The following GDAP1 variants were observed in gnomAD, a reference collection of about 807,000 sequenced individuals.
GDAP1 encodes the protein ganglioside-induced differentiation-associated protein 1.
In GDAP1, 34 loss-of-function variants were observed where a neutral mutation model predicts 40.1. The observed-to-expected ratio is 0.85, with a 90% CI of 0.64 to 1.13. The LOEUF is 1.13. Among genes scored for constraint, GDAP1 ranks in the 50% most tolerant of loss-of-function variants. GDAP1 has a pLI of 0.00. For synonymous variants in GDAP1, 170 were observed against 157.4 expected (o/e 1.08, Z -0.60); for missense variants, 374 against 433.7 (o/e 0.86, Z 1.22).
In GDAP1 at chr8:74,448,243, T is replaced by A. The variant is rs979764326; in HGVS notation, c.166-40435T>A. 1.3e-4 allele frequency among the ~76,000 whole-genome samples: 7 copies of A among 54,496 alleles called. No individual in the cohort carries two copies. In the East Asian group the frequency reaches 3.7e-3, roughly 29 times the overall value. 35.8% of individuals were successfully genotyped at this position (54,496 alleles called of 152,430 possible). The stretch of plus-strand genomic sequence containing the variant: ...ATGTTTATGAATTTCACTAAACAGA[T>A]ATATAGTATGTCTTTTTATGTCTTT... On this transcript the variant is annotated intron_variant, in intron 2 of 2. Transcript: ENST00000523640.
intron 2 of GDAP1, 28 bp downstream of exon 2, chr8:74,351,494 T>C: frequency 1.3e-6 from 2 of 1,490,850 alleles, no homozygotes; most frequent in Non-Finnish European, 1.9e-6. Context: ...TGCGATTTCT[T>C]GGATTTACTT....
At chr8:74,355,851 G>T (rs957570397) in intron 2 of GDAP1, among the ~76,000 whole-genome samples, 1 of 151,922 alleles carries the variant, frequency 6.6e-6, no homozygotes, top group Non-Finnish European at 1.5e-5. Flanking sequence ...TTAGGAAATA[G>T]AATTTAGTTT....
At chr8:74,435,876 A>G (rs1380791373) in intron 2 of GDAP1, among the ~76,000 whole-genome samples, 3 of 152,220 alleles carry the variant, frequency 2.0e-5, no homozygotes, top group Admixed American at 2.0e-4. Flanking sequence ...CTAGTGGGTT[A>G]TGAGACCAAT....
At chr8:74,385,570 A>G (rs200364412) in intron 2 of GDAP1, among the ~76,000 whole-genome samples, 2 of 152,010 alleles carry the variant, frequency 1.3e-5, no homozygotes, top group Non-Finnish European at 2.9e-5. Context: ...TCTTTATCCA[A>G]TCTATCATTG....
At chr8:74,426,003 G>A (rs1216989265) in intron 2 of GDAP1, among the ~76,000 whole-genome samples, 8 of 152,054 alleles carry the variant, frequency 5.3e-5, no homozygotes. Flanking sequence ...TCTAAAATTT[G>A]ATATGTTAAT....
intron 2 of GDAP1, among the ~76,000 whole-genome samples, chr8:74,401,911 G>A (rs1255176129): frequency 6.7e-6 from 1 of 150,046 alleles, no homozygotes; most frequent in Non-Finnish European, 1.5e-5. Flanking sequence ...TCGTTCCTCT[G>A]TAAGTTTTGT....
chr8:74,389,785 A>T (rs1283479421), intron 2 of GDAP1, among the ~76,000 whole-genome samples: 2 of 152,058 alleles, frequency 1.3e-5, no homozygotes, highest in East Asian at 3.9e-4. Flanking sequence ...AACTTGGTTC[A>T]ATTCTCCCCG....
rs568396287 is a variant in GDAP1, at chr8:74,428,463, T to C, written c.166-60215T>C. On this transcript the variant is annotated intron_variant, in intron 2 of 2. Transcript: ENST00000523640. ...TGTCATCTCAGAAGTTTTTCTTGAT[T>C]GTTTTGTTTTTTTTTTTTTCTTTTG... Among the ~76,000 whole-genome samples, 3 of 151,000 alleles carry C rather than the reference T, an allele frequency of 2.0e-5. No individual in the cohort carries two copies. In the East Asian group the frequency reaches 5.8e-4, roughly 29 times the overall value.
chr8:74,419,638 C>A lies in GDAP1; in HGVS notation c.165+68317C>A, dbSNP rs114712267. Among the ~76,000 whole-genome samples the A allele has an allele frequency of 5.5e-3, 840 of 152,152 alleles. 9 individuals carry two copies. Among genetic ancestry groups the A allele is most frequent in the African/African-American group, 0.019 (780 of 41,518 alleles). On this transcript the variant is annotated intron_variant, in intron 2 of 2. Coordinates refer to the GDAP1 transcript ENST00000523640. ...GTAGGTTGCCTTTTCTTGATAATGTCTTTTAATAGAAAACATTTTTAAATT... is the reference window on the plus strand; with the variant it reads ...GTAGGTTGCCTTTTCTTGATAATGTATTTTAATAGAAAACATTTTTAAATT...
intron 2 of GDAP1, among the ~76,000 whole-genome samples, chr8:74,447,254 A>AT (rs919495913): frequency 6.6e-6 from 1 of 151,980 alleles, no homozygotes; most frequent in Admixed American, 6.6e-5. Flanking sequence ...TCAATCAATA[A>AT]TTTTTTTCCA....
chr8:74,386,370 G>T (rs1371886502), intron 2 of GDAP1, among the ~76,000 whole-genome samples: 1 of 152,170 alleles, frequency 6.6e-6, no homozygotes, highest in African/African-American at 2.4e-5. Flanking sequence ...TTTGTATAAG[G>T]TGTAAGGATG....
intron 2 of GDAP1, among the ~76,000 whole-genome samples, chr8:74,376,364 T>TC (rs1213798915): frequency 2.0e-5 from 3 of 151,024 alleles, no homozygotes; most frequent in Non-Finnish European, 4.4e-5. Context: ...TTTTTTTTTT[T>TC]TTGAGATGGA....
At chr8:74,477,474 T>TA (rs398008352) in intron 2 of GDAP1, among the ~76,000 whole-genome samples, 4 of 152,024 alleles carry the variant, frequency 2.6e-5, no homozygotes, top group African/African-American at 9.7e-5. Context: ...TTTTTTTTTT[T>TA]AATTCTATTT....
rs557363288 is a variant in GDAP1, at chr8:74,487,219, GC to G, written c.166-1458del. ...AAATAGGTCAGTTGTCTTAGAATTA[GC>G]AGTTTGATACATTGCAGTGGAAATG... On this transcript the variant is annotated intron_variant, in intron 2 of 2. Transcript: ENST00000523640. Among the ~76,000 whole-genome samples the G allele has an allele frequency of 9.2e-5, 14 of 152,212 alleles. No homozygotes were observed. In the East Asian group the frequency reaches 2.7e-3, roughly 29 times the overall value.
At chr8:74,435,427 A>C (rs989522557) in intron 2 of GDAP1, among the ~76,000 whole-genome samples, 1 of 152,242 alleles carries the variant, frequency 6.6e-6, no homozygotes, top group African/African-American at 2.4e-5. Context: ...ATAATGAAGC[A>C]GTTGAAATCA....
intron 5 of GDAP1, 73 bp from the exon 6 acceptor site, chr8:74,363,912 G>C: frequency 1.5e-6 from 2 of 1,307,716 alleles, no homozygotes; most frequent in Non-Finnish European, 2.2e-6. Context: ...TTAAGGGTGA[G>C]ACCACTGATA....
In GDAP1 at chr8:74,404,761, T is replaced by C. The variant is rs899064698; in HGVS notation, c.165+53440T>C. 2.0e-5 allele frequency among the ~76,000 whole-genome samples: 3 copies of C among 149,926 alleles called. 1 individual carries two copies. Among genetic ancestry groups the C allele is most frequent in the African/African-American group, 7.6e-5 (3 of 39,272 alleles). On this transcript the variant is annotated intron_variant, in intron 2 of 2. Coordinates refer to the GDAP1 transcript ENST00000523640. Reference sequence around the variant, plus strand: ...AGTGTTATCTCTCCTTCCCATCTGCTTCTCTCACCATTTGAGGATATTCTT... The same window carrying C: ...AGTGTTATCTCTCCTTCCCATCTGCCTCTCTCACCATTTGAGGATATTCTT...
At chr8:74,407,944 C>G (rs994503288) in intron 2 of GDAP1, among the ~76,000 whole-genome samples, 1 of 149,690 alleles carries the variant, frequency 6.7e-6, no homozygotes, top group Non-Finnish European at 1.5e-5. Flanking sequence ...AGGAAAAACT[C>G]CCTTAAAACA....
In GDAP1 at chr8:74,350,595, C is replaced by T. The variant is rs779119367; in HGVS notation, c.117+17C>T. ...TCTCAAAAGGTACAACAGGCCTTGG[C>T]GGCGGAGGGTGGCGCGGATCGGGCT... On this transcript the variant is annotated intron_variant, in intron 1 of 5. Transcript: ENST00000220822. The T allele has an allele frequency of 2.1e-6, 3 of 1,459,368 alleles. No individual in the cohort carries two copies. The highest frequency in any genetic ancestry group is 2.3e-5 in the South Asian group (2 of 88,108). 90.4% of individuals were successfully genotyped at this position (1,459,368 alleles called of 1,614,324 possible).
Sources: allele counts gnomAD v4.1 joint callset (sites outside exome capture counted in the v4.1 genomes callset), GRCh38; gene constraint gnomAD v4.1.1; transcripts MANE v1.5; gene names NCBI Gene and HGNC (gene_info 2026-07-23, HGNC 2026-07-21).